CREB3L2: variants seen among roughly 807,000 people sequenced by gnomAD.
The protein encoded by CREB3L2 is cAMP responsive element binding protein 3 like 2.
In CREB3L2, 23 loss-of-function variants were observed where a neutral mutation model predicts 57.2. The ratio of observed to expected loss-of-function variants is 0.40; its 90% CI spans 0.29 to 0.57. CREB3L2 has a LOEUF of 0.57. Among genes scored for constraint, CREB3L2 ranks in the 20% least tolerant of loss-of-function variants. The pLI is 0.42. For synonymous variants in CREB3L2, 268 were observed against 265.1 expected, an observed-to-expected ratio of 1.01 and a Z score of -0.11; for missense variants, 628 against 634.7, an observed-to-expected ratio of 0.99 and a Z score of 0.11.
intron 1 of CREB3L2, among the ~76,000 whole-genome samples, chr7:137,973,518 G>C (rs1340528753): frequency 6.6e-6 from 1 of 152,184 alleles, no homozygotes; most frequent in Non-Finnish European, 1.5e-5. Flanking sequence ...CTTGGTGGGA[G>C]CAAGTAGCAA....
At chr7:137,918,876 C>G (rs1301152253) in intron 2 of CREB3L2, among the ~76,000 whole-genome samples, 1 of 152,064 alleles carries the variant, frequency 6.6e-6, no homozygotes, top group Non-Finnish European at 1.5e-5. Context: ...TTCTTAATGC[C>G]CAGTGTCCTA....
chr7:137,880,285 G>A lies in CREB3L2; in HGVS notation c.*191C>T. On this transcript the variant is annotated 3_prime_UTR_variant, in exon 12 of 12. Transcript: ENST00000330387. The surrounding 1 kb of genome is among the most constrained non-coding windows in gnomAD (Gnocchi z 4.0). ...GGGATGCAGGCTCCCTTCTGCACAG[G>A]AGGGGCATGGACCAGGGGGAGATGC... is the stretch of plus-strand genomic sequence containing the variant. 1.7e-6 allele frequency: 1 copy of A among 604,490 alleles called. No individual in the cohort carries two copies. The highest frequency in any genetic ancestry group is 3.0e-6 in the Non-Finnish European group (1 of 332,720). The allele number at this position is 604,490 out of a possible 1,614,324, so 37.4% of individuals were successfully genotyped here. A position where few individuals can be genotyped will look rare whatever the true frequency, so the allele number is the denominator to read the frequency against.
chr7:137,958,035 T>C (rs1045912887), intron 1 of CREB3L2: 3 of 256,486 alleles, frequency 1.2e-5, no homozygotes, highest in East Asian at 2.2e-4. Flanking sequence ...TTTCTAGTTT[T>C]CCCCTAAATC....
intron 1 of CREB3L2, among the ~76,000 whole-genome samples, chr7:137,965,885 C>G (rs2117292548): frequency 6.6e-6 from 1 of 152,326 alleles, no homozygotes; most frequent in East Asian, 1.9e-4. Flanking sequence ...AATGCTTAAA[C>G]CTGAGGGTGT....
At chr7:137,947,351 ACTCC>A (rs1801016410) in intron 1 of CREB3L2, among the ~76,000 whole-genome samples, 1 of 151,818 alleles carries the variant, frequency 6.6e-6, no homozygotes, top group South Asian at 2.1e-4. Flanking sequence ...ATCTCTGTCC[ACTCC>A]CTCACCTACA....
intron 1 of CREB3L2, among the ~76,000 whole-genome samples, chr7:137,958,470 G>C (rs889115224): frequency 6.6e-6 from 1 of 152,116 alleles, no homozygotes; most frequent in Non-Finnish European, 1.5e-5. Context: ...TTTGAGACCA[G>C]ACTGGGCAAC....
chr7:137,982,534 G>A (rs1165060348), intron 1 of CREB3L2, among the ~76,000 whole-genome samples: 3 of 152,076 alleles, frequency 2.0e-5, no homozygotes, highest in Admixed American at 1.3e-4. Flanking sequence ...TATCGTTCTC[G>A]TGATAGTGAA....
intron 1 of CREB3L2, among the ~76,000 whole-genome samples, chr7:137,992,179 A>C (rs1040600711): frequency 6.6e-6 from 1 of 152,154 alleles, no homozygotes; most frequent in Admixed American, 6.5e-5. Flanking sequence ...CAAGAGGAAA[A>C]TATGGTACGT....
chr7:137,910,192 G>A (rs273963), intron 4 of CREB3L2, among the ~76,000 whole-genome samples: 1 of 151,958 alleles, frequency 6.6e-6, no homozygotes, highest in Non-Finnish European at 1.5e-5. Flanking sequence ...GCAATGCCCC[G>A]TCAGCCAACC....
intron 10 of CREB3L2, chr7:137,884,793 CT>C: frequency 3.0e-6 from 2 of 674,740 alleles, no homozygotes; most frequent in Admixed American, 4.5e-5. Context: ...CTGTCAAGCT[CT>C]GGAGAATTCC....
intron 1 of CREB3L2, among the ~76,000 whole-genome samples, chr7:137,963,015 C>T (rs1801351475): frequency 6.6e-6 from 1 of 152,146 alleles, no homozygotes; most frequent in South Asian, 2.1e-4. Flanking sequence ...CCAGCAGTCC[C>T]TCTCAGCTTT....
intron 11 of CREB3L2, among the ~76,000 whole-genome samples, chr7:137,881,002 C>A (rs1028503047): frequency 1.3e-5 from 2 of 152,090 alleles, no homozygotes; most frequent in African/African-American, 4.8e-5. Context: ...AAAATAAATA[C>A]ATTATTAAAT....
At chr7:137,904,567 G>A (rs564365530) in intron 6 of CREB3L2, among the ~76,000 whole-genome samples, 1 of 152,184 alleles carries the variant, frequency 6.6e-6, no homozygotes, top group Admixed American at 6.5e-5. Context: ...GGGAGGCTGA[G>A]GCAAGAGAAT....
At chr7:137,929,093 A>G (rs1451319097) in intron 1 of CREB3L2, among the ~76,000 whole-genome samples, 1 of 152,160 alleles carries the variant, frequency 6.6e-6, no homozygotes, top group Non-Finnish European at 1.5e-5. Context: ...CATGGGCTAG[A>G]CTTTGTTCCT....
chr7:137,962,681 T>C (rs981513539), intron 1 of CREB3L2, among the ~76,000 whole-genome samples: 1 of 151,966 alleles, frequency 6.6e-6, no homozygotes, highest in Non-Finnish European at 1.5e-5. Context: ...TGGTTTATTG[T>C]TCTCCATAAC....
intron 8 of CREB3L2, among the ~76,000 whole-genome samples, chr7:137,898,882 A>C (rs1799679583): frequency 6.9e-6 from 1 of 144,404 alleles, no homozygotes; most frequent in African/African-American, 2.5e-5. Context: ...CCTTATTTGG[A>C]TATCTGATTC....
chr7:137,956,838 C>T (rs781220491), intron 1 of CREB3L2, among the ~76,000 whole-genome samples: 61 of 152,184 alleles, frequency 4.0e-4, no homozygotes, highest in Non-Finnish European at 8.1e-4. Flanking sequence ...CTAGGTGAAT[C>T]TGTTCACCTT....
At chr7:137,920,302 T>A (rs945913813) in intron 2 of CREB3L2, among the ~76,000 whole-genome samples, 1 of 152,218 alleles carries the variant, frequency 6.6e-6, no homozygotes, top group African/African-American at 2.4e-5. Flanking sequence ...AATGTTGCTG[T>A]AGTTTTGCCA....
chr7:137,995,566 CT>C (rs1161417562), intron 1 of CREB3L2, among the ~76,000 whole-genome samples: 1 of 152,102 alleles, frequency 6.6e-6, no homozygotes, highest in African/African-American at 2.4e-5. Context: ...AACTCCTGAC[CT>C]TGTGATCCAC....
Sources: gnomAD v4.1 joint callset for allele counts (sites outside exome capture counted in the v4.1 genomes callset) on GRCh38, gnomAD v4.1.1 for gene constraint, Gnocchi (gnomAD v3.1) non-coding constraint, MANE v1.5 for transcripts, NCBI Gene and HGNC (gene_info 2026-07-23, HGNC 2026-07-21) for gene names.